The following CSMD1 variants were observed in gnomAD, a reference collection of about 807,000 sequenced individuals.
CSMD1 encodes the protein CUB and sushi domain-containing protein 1.
Under a neutral mutation model 417.5 loss-of-function variants are expected in CSMD1, and 213 were observed. The ratio of observed to expected loss-of-function variants is 0.51; its 90% CI spans 0.46 to 0.57. The LOEUF is 0.57. CSMD1 is among the 20% of genes least tolerant of loss of function. CSMD1 has a pLI of 0.00. For synonymous variants in CSMD1, 2,862 were observed against 1,736.8 expected (o/e 1.65, Z -16.11); for missense variants, 6,923 against 4,529.7 (o/e 1.53, Z -15.17).
chr8:3,286,112 T>C (rs1454253397), intron 25 of CSMD1, among the ~76,000 whole-genome samples: 3 of 152,112 alleles, frequency 2.0e-5, no homozygotes, highest in African/African-American at 7.2e-5. Context: ...TTGCTGAGAA[T>C]CATGGTTTCC....
intron 5 of CSMD1, among the ~76,000 whole-genome samples, chr8:3,938,083 G>A (rs915367741): frequency 1.3e-5 from 2 of 152,032 alleles, no homozygotes; most frequent in South Asian, 2.1e-4. Context: ...ACACAGGATC[G>A]TGTAGTAGAA....
intron 1 of CSMD1, among the ~76,000 whole-genome samples, chr8:4,812,302 T>A (rs1168490437): frequency 1.3e-5 from 2 of 152,182 alleles, no homozygotes; most frequent in Non-Finnish European, 2.9e-5. Context: ...TTCTCCCAGT[T>A]TGGGATAGTG....
At chr8:4,012,918 T>A (rs1223177972) in intron 4 of CSMD1, among the ~76,000 whole-genome samples, 1 of 152,002 alleles carries the variant, frequency 6.6e-6, no homozygotes, top group Non-Finnish European at 1.5e-5. Context: ...ATCAGCACCT[T>A]CTTTAAACAG....
intron 3 of CSMD1, among the ~76,000 whole-genome samples, chr8:4,052,605 A>T (rs1005450119): frequency 2.6e-5 from 4 of 152,172 alleles, no homozygotes. Context: ...CATATAATTT[A>T]AGTATTTAGA....
intron 3 of CSMD1, among the ~76,000 whole-genome samples, chr8:4,160,852 T>C (rs76661041): frequency 7.1e-4 from 108 of 152,374 alleles, no homozygotes; most frequent in East Asian, 3.5e-3. Context: ...GTTTCTAATA[T>C]TTCCTTAAGG....
chr8:3,178,112 T>C (rs1309271953), intron 37 of CSMD1, among the ~76,000 whole-genome samples: 2 of 152,186 alleles, frequency 1.3e-5, no homozygotes, highest in Non-Finnish European at 2.9e-5. Flanking sequence ...GAGGATTCTG[T>C]AAGATCCCTG....
intron 2 of CSMD1, among the ~76,000 whole-genome samples, chr8:4,625,358 T>A (rs563217332): frequency 6.6e-6 from 1 of 152,240 alleles, no homozygotes; most frequent in South Asian, 2.1e-4. Context: ...GTGCAAAATG[T>A]AAATGATCCT....
intron 3 of CSMD1, among the ~76,000 whole-genome samples, chr8:4,360,416 G>A (rs577457381): frequency 2.6e-4 from 39 of 152,180 alleles, no homozygotes; most frequent in African/African-American, 9.4e-4. Flanking sequence ...CAGTATTTGT[G>A]GAATTAATTA....
chr8:4,016,637 C>G lies in CSMD1; in HGVS notation c.610+15268G>C, dbSNP rs1348098810. Among the ~76,000 whole-genome samples, 5 of 152,200 alleles carry G rather than the reference C, an allele frequency of 3.3e-5. No individual in the cohort carries two copies. The East Asian group carries it at 5.8e-4, about 18-fold the overall frequency. ...ATTTGGGTGAAGAGATGACTCTTTG[C>G]TTTGTCTTCTACAGGTTTGTCTTAC... On this transcript the variant is annotated intron_variant, in intron 4 of 69. Transcript: ENST00000635120.
At chr8:4,868,642 G>C (rs967116832) in intron 1 of CSMD1, among the ~76,000 whole-genome samples, 1 of 151,996 alleles carries the variant, frequency 6.6e-6, no homozygotes, top group Non-Finnish European at 1.5e-5. Context: ...TAATTCTGAA[G>C]GTAATTGAAA....
Position 3,520,019 on chromosome 8 carries a change from C to CATATATATAT in CSMD1, c.1345-26294_1345-26293insATATATATAT, listed in dbSNP as rs1491479503. ...ATATATATGTGTGTGTGTGTATATA[C>CATATATATAT]CTATATATATATATATATATACACG... On this transcript the variant is annotated intron_variant, in intron 10 of 69. Transcript: ENST00000635120. Among the ~76,000 whole-genome samples the CATATATATAT allele has an allele frequency of 2.8e-4, 32 of 114,020 alleles. 1 individual carries two copies. The highest frequency in any genetic ancestry group is 1.2e-3 in the African/African-American group (30 of 24,736). 74.8% of individuals were successfully genotyped at this position (114,020 alleles called of 152,430 possible).
At chr8:4,448,491 A>T (rs1798947321) in intron 2 of CSMD1, among the ~76,000 whole-genome samples, 1 of 152,220 alleles carries the variant, frequency 6.6e-6, no homozygotes, top group Admixed American at 6.5e-5. Context: ...AGCAGAAAGG[A>T]AGCTCAGTCA....
chr8:4,256,805 G>C (rs1803489389), intron 3 of CSMD1, among the ~76,000 whole-genome samples: 1 of 152,162 alleles, frequency 6.6e-6, no homozygotes, highest in South Asian at 2.1e-4. Flanking sequence ...GTCAGGGCCT[G>C]GCATAAAGTC....
chr8:4,626,580 G>T (rs756036937), intron 2 of CSMD1, among the ~76,000 whole-genome samples: 1 of 152,068 alleles, frequency 6.6e-6, no homozygotes, highest in African/African-American at 2.4e-5. Flanking sequence ...TCAGGGCATG[G>T]AGCCAAGGAA....
chr8:4,700,295 C>A (rs1807441272), intron 1 of CSMD1, among the ~76,000 whole-genome samples: 2 of 151,798 alleles, frequency 1.3e-5, no homozygotes, highest in Admixed American at 1.3e-4. Flanking sequence ...TATTATAAAC[C>A]AACGTGAATG....
intron 1 of CSMD1, among the ~76,000 whole-genome samples, chr8:4,801,968 T>G (rs944043766): frequency 2.0e-5 from 3 of 152,298 alleles, no homozygotes; most frequent in African/African-American, 7.2e-5. Flanking sequence ...CCTTTCATAT[T>G]TACTGCATCC....
At chr8:3,141,881 T>C (rs1818511768) in intron 41 of CSMD1, among the ~76,000 whole-genome samples, 1 of 150,130 alleles carries the variant, frequency 6.7e-6, no homozygotes, top group South Asian at 2.1e-4. Flanking sequence ...CACTGCAAGC[T>C]CCGCCTCCCG....
At chr8:3,130,732 G>A (rs762862554) in intron 41 of CSMD1, among the ~76,000 whole-genome samples, 3 of 151,868 alleles carry the variant, frequency 2.0e-5, no homozygotes, top group East Asian at 3.9e-4. Flanking sequence ...ACCCCAGAGA[G>A]TGGCAGACCC....
Position 3,717,482 on chromosome 8 carries a change from G to A in CSMD1, c.932-8991C>T, listed in dbSNP as rs1316266572. 6.6e-5 allele frequency among the ~76,000 whole-genome samples: 10 copies of A among 152,118 alleles called. 1 individual carries two copies. The South Asian group carries it at 1.7e-3, about 25-fold the overall frequency. ...ATTCATGAAGATATTGTTGTAGGACGTTCCCCTTAGTTCAGCTAAAAACAG... is the reference window on the plus strand; with the variant it reads ...ATTCATGAAGATATTGTTGTAGGACATTCCCCTTAGTTCAGCTAAAAACAG... On this transcript the variant is annotated intron_variant, in intron 6 of 69. Transcript: ENST00000635120.
Sources: allele counts gnomAD v4.1 joint callset (sites outside exome capture counted in the v4.1 genomes callset), GRCh38; gene constraint gnomAD v4.1.1; transcripts MANE v1.5; gene names NCBI Gene and HGNC (gene_info 2026-07-23, HGNC 2026-07-21).